The following IL22RA1 variants were observed in gnomAD, a reference collection of about 807,000 sequenced individuals.
IL22RA1 encodes interleukin 22 receptor subunit alpha 1.
IL22RA1 carries 25 observed loss-of-function variants against 32.8 expected under a neutral mutation model. The observed-to-expected ratio is 0.76, with a 90% CI of 0.55 to 1.06. IL22RA1 has a LOEUF of 1.06. IL22RA1 is among the 50% of genes least tolerant of loss of function. The probability of loss-of-function intolerance (pLI) is 0.00; values close to 1 mark genes in which losing one functional copy is unlikely to be tolerated. For missense variants in IL22RA1, 709 were observed against 727.4 expected, an observed-to-expected ratio of 0.97 and a Z score of 0.29; for synonymous variants, 305 against 305.0, an observed-to-expected ratio of 1.00 and a Z score of 0.00.
chr1:24,120,482 A>G lies in IL22RA1; in HGVS notation c.*323T>C. 3.5e-6 allele frequency: 1 copy of G among 282,930 alleles called. No homozygotes were observed. The highest frequency in any genetic ancestry group is 6.6e-6 in the Non-Finnish European group (1 of 151,266). The allele number at this position is 282,930 out of a possible 1,614,324, so 17.5% of individuals were successfully genotyped here. The stretch of plus-strand genomic sequence containing the variant: ...AGCACTTTGAATCCATGGTGTTAGG[A>G]GGTGGGGCTCTGGACCTCGGGAGTT... On this transcript the variant is annotated 3_prime_UTR_variant, in exon 7 of 7. Coordinates refer to ENST00000270800, the MANE Select transcript of IL22RA1 (RefSeq NM_021258.4).
At chr1:24,138,120 G>A (rs1644255054) in intron 2 of IL22RA1, among the ~76,000 whole-genome samples, 1 of 152,194 alleles carries the variant, frequency 6.6e-6, no homozygotes, top group African/African-American at 2.4e-5. Context: ...GGAGGGAGAG[G>A]AGCAGGAACA....
intron 5 of IL22RA1, among the ~76,000 whole-genome samples, chr1:24,124,705 C>A (rs1209120637): frequency 3.3e-5 from 5 of 152,066 alleles, no homozygotes; most frequent in Admixed American, 2.6e-4. Flanking sequence ...ACTGCTGGAA[C>A]CTCTACTTCT....
intron 4 of IL22RA1, among the ~76,000 whole-genome samples, chr1:24,130,544 C>T (rs74060508): frequency 0.015 from 2,338 of 152,310 alleles, 77 homozygotes; most frequent in African/African-American, 0.053. Context: ...ACCAAACCAA[C>T]ACTCTTTGGA....
intron 4 of IL22RA1, among the ~76,000 whole-genome samples, chr1:24,129,564 C>T (rs575857866): frequency 6.6e-6 from 1 of 152,204 alleles, no homozygotes; most frequent in Non-Finnish European, 1.5e-5. Context: ...GACAAATCCC[C>T]TCTCATATCT....
chr1:24,121,429 C>G lies in IL22RA1; in HGVS notation c.1101G>C (p.Gln367His), dbSNP rs771691361. ...ATGGGAATTGAGCTTCGGGGGTCAC[C>G]TGAGGTGCATAGGATGGGGGCCCGA... is the stretch of plus-strand genomic sequence containing the variant. ...PEVGPPSYAP[Q>H]VTPEAQFPFY... The change falls in exon 7 of 7, where the codon CAG becomes CAC. Residue 367 changes from glutamine to histidine, a missense_variant. Gln to His is a conservative substitution (Grantham distance 24, BLOSUM62 0). Transcript: ENST00000270800. The G allele has an allele frequency of 1.9e-6, 3 of 1,549,750 alleles. No individual in the cohort carries two copies. Among genetic ancestry groups the G allele is most frequent in the African/African-American group, 2.7e-5 (2 of 73,354 alleles).
At chr1:24,128,026 C>T (rs1156888119) in intron 5 of IL22RA1, 115 bp downstream of exon 5, 7 of 1,058,688 alleles carry the variant, frequency 6.6e-6, no homozygotes, top group Non-Finnish European at 9.2e-6. Flanking sequence ...CACTGATAAC[C>T]CTTCCATGGT....
chr1:24,134,622 G>C (rs1046153090), intron 3 of IL22RA1, among the ~76,000 whole-genome samples: 1 of 152,146 alleles, frequency 6.6e-6, no homozygotes, highest in Non-Finnish European at 1.5e-5. Context: ...AAGAACTCAG[G>C]GGGAGGGGCA....
Position 24,120,890 on chromosome 1 carries a change from G to T in IL22RA1, c.1640C>A (p.Ala547Asp). 4 of 1,614,254 alleles carry T rather than the reference G, an allele frequency of 2.5e-6. No individual in the cohort carries two copies. The highest frequency in any genetic ancestry group is 2.5e-6 in the Non-Finnish European group (3 of 1,180,044). Residue 547 changes from alanine (A) to aspartate (D), a missense_variant, in exon 7 of 7, where the codon GCC becomes GAC. Transcript: ENST00000270800. ...CTGCTCCAGGTCTGAGGTCTCAGGGGCTGGGCTCTTGGCTTCATCCTTGGG... is the reference window on the plus strand; with the variant it reads ...CTGCTCCAGGTCTGAGGTCTCAGGGTCTGGGCTCTTGGCTTCATCCTTGGG... ...VCPKDEAKSP[A>D]PETSDLEQPT...
chr1:24,129,424 T>C (rs1644188037), intron 4 of IL22RA1, among the ~76,000 whole-genome samples: 1 of 152,232 alleles, frequency 6.6e-6, no homozygotes, highest in Non-Finnish European at 1.5e-5. Flanking sequence ...TGTCCGAACA[T>C]GCTGCCCTCC....
At chr1:24,137,567 A>AGT (rs1644251452) in intron 2 of IL22RA1, among the ~76,000 whole-genome samples, 1 of 139,336 alleles carries the variant, frequency 7.2e-6, no homozygotes, top group Non-Finnish European at 1.5e-5. Context: ...CTCAGGCTGG[A>AGT]GTGCAGTGGT....
At position 24,134,221 on chromosome 1, in the gene IL22RA1, G is replaced by A. The variant is rs895360060; in HGVS notation, c.521C>T (p.Thr174Ile). ...GCAACATACACTCACCATTTGGTAGGTGCGGTTGACCTGGAGCTCTAAGTG... is the reference window on the plus strand; with the variant it reads ...GCAACATACACTCACCATTTGGTAGATGCGGTTGACCTGGAGCTCTAAGTG... ...FYHLELQVNR[T>I]YQMHLGGKQR... Residue 174 changes from threonine (T) to isoleucine (I), a missense_variant, in exon 4 of 7, where the codon ACC becomes ATC. Coordinates refer to ENST00000270800, the MANE Select transcript of IL22RA1 (RefSeq NM_021258.4). 3.7e-6 allele frequency: 6 copies of A among 1,611,304 alleles called. No homozygotes were observed. The highest frequency in any genetic ancestry group is 5.1e-6 in the Non-Finnish European group (6 of 1,178,682).
At position 24,138,646 on chromosome 1, in the gene IL22RA1, T is replaced by C; in HGVS notation, c.112A>G (p.Ile38Val). Residue 38 changes from isoleucine (I) to valine (V), a missense_variant, in exon 2 of 7, where the codon ATC (isoleucine) becomes GTC (valine). Ile to Val is a conservative substitution (Grantham distance 29, BLOSUM62 3). Transcript: ENST00000270800. Reference sequence around the variant, plus strand: ...TCCGGCCCGCTGTCCCACGTCAGGATGTTTTCAAAGTTGCTGGACTGGAAT... The same window carrying C: ...TCCGGCCCGCTGTCCCACGTCAGGACGTTTTCAAAGTTGCTGGACTGGAAT... ...VKFQSSNFEN[I>V]LTWDSGPEGT... is the part of the protein sequence containing the mutation. The C allele has an allele frequency of 6.2e-7, 1 of 1,614,186 alleles. No homozygotes were observed. The highest frequency in any genetic ancestry group is 8.5e-7 in the Non-Finnish European group (1 of 1,180,032).
rs531572822 is a variant in IL22RA1 at position 24,138,516 on chromosome 1, G to A, written c.176+66C>T. ...GACATGGGAACATATGGAGAGGAGG[G>A]GAATTCCTTGGAGAGGGGCTGGCTT... On this transcript the variant is annotated intron_variant, in intron 2 of 6. Coordinates refer to ENST00000270800, the MANE Select transcript of IL22RA1 (RefSeq NM_021258.4). The A allele has an allele frequency of 4.4e-6, 7 of 1,579,480 alleles. No individual in the cohort carries two copies. In the East Asian group the frequency reaches 1.6e-4, roughly 35 times the overall value.
chr1:24,134,866 C>T, intron 3 of IL22RA1: 1 of 982,984 alleles, frequency 1.0e-6, no homozygotes, highest in Non-Finnish European at 1.2e-6. Flanking sequence ...TGGAATTTTC[C>T]AAATAACCAA....
rs149851427 is a variant in IL22RA1 at position 24,121,577 on chromosome 1, C to T, written c.953G>A (p.Arg318Gln). Residue 318 changes from arginine to glutamine, a missense_variant, in exon 7 of 7, where the codon CGG becomes CAG. By Grantham distance (43) the Arg-to-Gln change is conservative. Coordinates refer to ENST00000270800, the MANE Select transcript of IL22RA1 (RefSeq NM_021258.4). Reference sequence around the variant, plus strand: ...GTAGGTGATCTCGGACAGGCTATGCCGCTGTGGAGCTCCTGCGGGCTCCCT... The same window carrying T: ...GTAGGTGATCTCGGACAGGCTATGCTGCTGTGGAGCTCCTGCGGGCTCCCT... ...GPREPAGAPQ[R>Q]HSLSEITYLG... 141 of 1,611,944 alleles carry T rather than the reference C, an allele frequency of 8.7e-5. No individual in the cohort carries two copies. Among genetic ancestry groups the T allele is most frequent in the East Asian group, 1.6e-4 (7 of 44,824 alleles).
In IL22RA1 at chr1:24,121,728, G is replaced by T. The variant is rs1176475412; in HGVS notation, c.802C>A (p.Arg268=). 2.0e-6 allele frequency: 3 copies of T among 1,534,172 alleles called. No homozygotes were observed. Among genetic ancestry groups the T allele is most frequent in the Admixed American group, 3.9e-5 (2 of 50,944 alleles). ...PAPPNSLNVQ[R]VLTFQPLRFI... The stretch of plus-strand genomic sequence containing the variant: ...CGCAGCGGCTGGAAAGTCAGGACTC[G>T]CTGGACGTTCTGTGCAGGGACGACA... Residue 268 remains arginine, a synonymous_variant, in exon 7 of 7, where the codon CGA becomes AGA. Transcript: ENST00000270800.
intron 1 of IL22RA1, among the ~76,000 whole-genome samples, chr1:24,139,384 G>A (rs1259888210): frequency 1.3e-5 from 2 of 152,170 alleles, no homozygotes; most frequent in African/African-American, 2.4e-5. Context: ...CATGAATAAT[G>A]CTGCTGTGAA....
Position 24,121,268 on chromosome 1 carries a change from C to T in IL22RA1, c.1262G>A (p.Ser421Asn). 1 of 1,614,076 alleles carries T rather than the reference C, an allele frequency of 6.2e-7. No individual in the cohort carries two copies. Among genetic ancestry groups the T allele is most frequent in the Non-Finnish European group, 8.5e-7 (1 of 1,179,990 alleles). The change falls in exon 7 of 7, where the codon AGT (serine) becomes AAT (asparagine). Residue 421 changes from serine (S) to asparagine (N), a missense_variant. Coordinates refer to ENST00000270800, the MANE Select transcript of IL22RA1 (RefSeq NM_021258.4). ...GKDSPTGTLSSPKHLRPKGQL... is the reference protein window; with the variant it reads ...GKDSPTGTLSNPKHLRPKGQL... ...ACCTTTAGGCCTAAGGTGTTTAGGA[C>T]TAGAAAGTGTCCCAGTGGGGGAGTC...
chr1:24,138,588 T>A lies in IL22RA1; in HGVS notation c.170A>T (p.Tyr57Phe). Residue 57 changes from tyrosine to phenylalanine, a missense_variant, in exon 2 of 7, where the codon TAT becomes TTT. Tyr to Phe is a conservative substitution (Grantham distance 22). Transcript: ENST00000270800. ...GTPDTVYSIE[Y>F]KTYGERDWVA... ...GGTCAAGAGAGAAGCCTACGTCTTATACTCGATGCTGTAGACCGTGTCTGG... is the reference window on the plus strand; with the variant it reads ...GGTCAAGAGAGAAGCCTACGTCTTAAACTCGATGCTGTAGACCGTGTCTGG... The A allele has an allele frequency of 6.2e-7, 1 of 1,614,166 alleles. No individual in the cohort carries two copies. The highest frequency in any genetic ancestry group is 1.1e-5 in the South Asian group (1 of 91,080).
Sources: allele counts gnomAD v4.1 joint callset (sites outside exome capture counted in the v4.1 genomes callset), GRCh38; gene constraint gnomAD v4.1.1; transcripts MANE v1.5; gene names NCBI Gene and HGNC (gene_info 2026-07-23, HGNC 2026-07-21).